Variants in MSI2 observed in about 807,000 individuals in gnomAD.
The protein encoded by MSI2 is musashi RNA binding protein 2.
A neutral mutation model predicts 45.6 loss-of-function variants in MSI2; 17 were observed. The ratio of observed to expected loss-of-function variants is 0.37; its 90% CI spans 0.26 to 0.56. The LOEUF (loss-of-function observed/expected upper bound fraction) is 0.56. Among genes scored for constraint, MSI2 ranks in the 20% least tolerant of loss-of-function variants. MSI2 has a pLI of 0.77. For synonymous variants in MSI2, 156 were observed against 158.2 expected, an observed-to-expected ratio of 0.99 and a Z score of 0.11; for missense variants, 293 against 444.2, an observed-to-expected ratio of 0.66 and a Z score of 3.06.
intron 5 of MSI2, among the ~76,000 whole-genome samples, chr17:57,378,773 C>A (rs974260318): frequency 2.0e-5 from 3 of 152,154 alleles, no homozygotes; most frequent in Non-Finnish European, 2.9e-5. Flanking sequence ...TGAGTGTGGT[C>A]CACTGGGGAG....
intron 6 of MSI2, among the ~76,000 whole-genome samples, chr17:57,436,528 C>A (rs944360910): frequency 3.9e-5 from 6 of 152,088 alleles, no homozygotes; most frequent in African/African-American, 1.4e-4. Flanking sequence ...AGAGATCCAG[C>A]GTGGGCCTTG....
chr17:57,605,306 TG>T (rs1233243686), intron 8 of MSI2, among the ~76,000 whole-genome samples: 1 of 152,074 alleles, frequency 6.6e-6, no homozygotes, highest in Non-Finnish European at 1.5e-5. Context: ...GGTGGTTCGG[TG>T]GTAAATGTTT....
At chr17:57,378,620 C>T (rs1418066896) in intron 5 of MSI2, among the ~76,000 whole-genome samples, 2 of 152,192 alleles carry the variant, frequency 1.3e-5, no homozygotes, top group African/African-American at 2.4e-5. Context: ...TGGTCTCAAA[C>T]TCCTGGCCTC....
chr17:57,428,197 A>G (rs572310215), intron 6 of MSI2, among the ~76,000 whole-genome samples: 197 of 152,266 alleles, frequency 1.3e-3, no homozygotes, highest in Admixed American at 3.1e-3. Context: ...TGGAGATTAG[A>G]TGGTAGGACT....
intron 6 of MSI2, among the ~76,000 whole-genome samples, chr17:57,411,395 C>G (rs1380640860): frequency 6.6e-6 from 1 of 152,216 alleles, no homozygotes; most frequent in East Asian, 1.9e-4. Context: ...GATGTCACTG[C>G]TTTCCATTCA....
chr17:57,591,971 G>C (rs1449566677), intron 7 of MSI2, among the ~76,000 whole-genome samples: 1 of 151,980 alleles, frequency 6.6e-6, no homozygotes, highest in Non-Finnish European at 1.5e-5. Context: ...TCAGGAGCTC[G>C]AGACCAGCCT....
intron 5 of MSI2, among the ~76,000 whole-genome samples, chr17:57,310,674 T>G (rs780095225): frequency 2.6e-5 from 4 of 152,218 alleles, no homozygotes; most frequent in Non-Finnish European, 5.9e-5. Flanking sequence ...TGTCTTTTCC[T>G]CGTGAAGGGT....
chr17:57,367,127 C>T (rs1917253008), intron 5 of MSI2, among the ~76,000 whole-genome samples: 1 of 152,134 alleles, frequency 6.6e-6, no homozygotes, highest in South Asian at 2.1e-4. Context: ...CAGGTAGGGG[C>T]CCTGAAGGGG....
intron 5 of MSI2, among the ~76,000 whole-genome samples, chr17:57,333,033 AG>A (rs1423990576): frequency 2.0e-5 from 3 of 147,884 alleles, no homozygotes; most frequent in Non-Finnish European, 2.9e-5. Flanking sequence ...TCCAAAAAAA[AG>A]AAAAAAAAAA....
chr17:57,458,686 G>A (rs1217024288), intron 6 of MSI2, among the ~76,000 whole-genome samples: 1 of 152,126 alleles, frequency 6.6e-6, no homozygotes, highest in East Asian at 1.9e-4. Context: ...CCAGCTGCTC[G>A]GCCCATAACT....
intron 5 of MSI2, chr17:57,268,433 CT>C (rs1181700580): frequency 3.3e-5 from 5 of 152,066 alleles, no homozygotes; most frequent in Non-Finnish European, 7.4e-5. Context: ...TACCAAGTTT[CT>C]GCTCAGCACC....
intron 5 of MSI2, among the ~76,000 whole-genome samples, chr17:57,298,590 G>T (rs1268383668): frequency 3.3e-5 from 5 of 152,160 alleles, no homozygotes; most frequent in African/African-American, 1.2e-4. Flanking sequence ...GAGCCTGGGA[G>T]TTGGAGGCTG....
chr17:57,306,540 T>A, intron 5 of MSI2, among the ~76,000 whole-genome samples: 1 of 152,074 alleles, frequency 6.6e-6, no homozygotes. Context: ...CAAATGAGGA[T>A]GAGGTTGGAA....
At chr17:57,553,828 G>T (rs1268852595) in intron 7 of MSI2, among the ~76,000 whole-genome samples, 1 of 152,194 alleles carries the variant, frequency 6.6e-6, no homozygotes, top group Non-Finnish European at 1.5e-5. Context: ...TTCTGTGATG[G>T]ATGGGTAGCC....
chr17:57,272,241 G>T (rs760649599), intron 5 of MSI2, among the ~76,000 whole-genome samples: 1 of 152,206 alleles, frequency 6.6e-6, no homozygotes, highest in African/African-American at 2.4e-5. Flanking sequence ...TAAAGAGGCC[G>T]TGAATGTTGA....
At chr17:57,496,646 C>T (rs773871769) in intron 6 of MSI2, among the ~76,000 whole-genome samples, 13 of 152,190 alleles carry the variant, frequency 8.5e-5, no homozygotes, top group Non-Finnish European at 1.6e-4. Flanking sequence ...ACGCAGGAGG[C>T]GGGAGTGTTG....
chr17:57,589,725 T>C (rs1337266968), intron 7 of MSI2, among the ~76,000 whole-genome samples: 1 of 152,294 alleles, frequency 6.6e-6, no homozygotes, highest in African/African-American at 2.4e-5. Flanking sequence ...ACCCTGACAG[T>C]CTTCTCCAGA....
At chr17:57,582,796 A>G (rs1183049153) in intron 7 of MSI2, among the ~76,000 whole-genome samples, 1 of 152,224 alleles carries the variant, frequency 6.6e-6, no homozygotes, top group Non-Finnish European at 1.5e-5. Context: ...AATGGGTTCA[A>G]AATCCACTGA....
At chr17:57,321,414 A>G (rs912349574) in intron 5 of MSI2, among the ~76,000 whole-genome samples, 1 of 152,052 alleles carries the variant, frequency 6.6e-6, no homozygotes, top group Non-Finnish European at 1.5e-5. Flanking sequence ...GATCAAAGAA[A>G]GCCCCCCTCC....
Sources: allele counts gnomAD v4.1 joint callset (sites outside exome capture counted in the v4.1 genomes callset), GRCh38; gene constraint gnomAD v4.1.1; transcripts MANE v1.5; gene names NCBI Gene and HGNC (gene_info 2026-07-23, HGNC 2026-07-21).